Variants in PRKCZ observed in about 807,000 individuals in gnomAD.
The protein encoded by PRKCZ is protein kinase C zeta type.
PRKCZ carries 33 observed loss-of-function variants against 79.5 expected under a neutral mutation model. The observed-to-expected ratio is 0.41, with a 90% CI of 0.31 to 0.55. The LOEUF (loss-of-function observed/expected upper bound fraction) is 0.55, where lower values mean the gene tolerates loss of function less well. PRKCZ is among the 20% of genes least tolerant of loss of function. The pLI, the probability that PRKCZ is intolerant of heterozygous loss-of-function variation, is 0.19. For synonymous variants in PRKCZ, 342 were observed against 320.9 expected (o/e 1.07, Z -0.70); for missense variants, 578 against 813.5 (o/e 0.71, Z 3.52).
intron 4 of PRKCZ, chr1:2,116,191 T>G (rs1670718846): frequency 6.6e-6 from 1 of 152,308 alleles, no homozygotes; most frequent in Non-Finnish European, 1.5e-5. Context: ...GCACAGTCAC[T>G]CTGGGTCGTG....
intron 4 of PRKCZ, among the ~76,000 whole-genome samples, chr1:2,129,191 T>C (rs3107156): frequency 0.67 from 102,454 of 151,932 alleles, 35,358 homozygotes; most frequent in African/African-American, 0.83. Context: ...GGGGGGTTTT[T>C]GTGGTTGCTT....
chr1:2,099,339 C>T (rs1191055456), intron 4 of PRKCZ, among the ~76,000 whole-genome samples: 1 of 152,240 alleles, frequency 6.6e-6, no homozygotes, highest in Non-Finnish European at 1.5e-5. Context: ...TTCATTCATT[C>T]ATCCCATGCC....
chr1:2,176,777 T>C (rs1685578991), intron 16 of PRKCZ, among the ~76,000 whole-genome samples: 1 of 152,196 alleles, frequency 6.6e-6, no homozygotes, highest in South Asian at 2.1e-4. Context: ...TCGAAGGCCT[T>C]GCTTTGCCTG....
chr1:2,135,789 C>T (rs1293712679), intron 5 of PRKCZ, among the ~76,000 whole-genome samples: 2 of 152,268 alleles, frequency 1.3e-5, no homozygotes, highest in Non-Finnish European at 2.9e-5. Context: ...GCTTGGGCCT[C>T]TGTCTTCCCA....
chr1:2,160,232 A>AGTGTGCGT (rs1369504549), intron 10 of PRKCZ, among the ~76,000 whole-genome samples: 1 of 116,992 alleles, frequency 8.5e-6, no homozygotes. Context: ...TTCACCCAGC[A>AGTGTGCGT]GTGTGCGTGT....
intron 4 of PRKCZ, among the ~76,000 whole-genome samples, chr1:2,072,623 A>C (rs1661703657): frequency 1.3e-5 from 2 of 152,106 alleles, no homozygotes; most frequent in African/African-American, 2.4e-5. Context: ...GGGCCCGTGT[A>C]GGAGGTGGGC....
chr1:2,097,813 G>A (rs1291226631), intron 4 of PRKCZ, among the ~76,000 whole-genome samples: 1 of 152,238 alleles, frequency 6.6e-6, no homozygotes, highest in Non-Finnish European at 1.5e-5. Flanking sequence ...TTCTCAGCAA[G>A]GCAATTTTAC....
Position 2,178,297 on chromosome 1 carries a change from C to T in PRKCZ, c.1575+2984C>T, listed in dbSNP as rs1194869594. ...GGAAGTGGACCTGGGCACACCGCGG[C>T]CTTTCGTGCCTGCCCTCCCCTCAGC... On this transcript the variant is annotated intron_variant, in intron 16 of 17. Transcript: ENST00000378567. The surrounding 1 kb of genome is among the most constrained non-coding windows in gnomAD (Gnocchi z 4.3). Among the ~76,000 whole-genome samples the T allele has an allele frequency of 6.6e-6, 1 of 152,228 alleles. No individual in the cohort carries two copies. The highest frequency in any genetic ancestry group is 6.5e-5 in the Admixed American group (1 of 15,286).
Position 2,168,918 on chromosome 1 carries a change from C to G in PRKCZ, c.975-600C>G. The G allele has an allele frequency of 3.3e-6, 1 of 302,908 alleles. No homozygotes were observed. The highest frequency in any genetic ancestry group is 6.8e-6 in the Non-Finnish European group (1 of 147,518). The allele number at this position is 302,908 out of a possible 1,614,324, so 18.8% of individuals were successfully genotyped here. On this transcript the variant is annotated intron_variant, in intron 10 of 17. Coordinates refer to ENST00000378567, the MANE Select transcript of PRKCZ (RefSeq NM_002744.6). The surrounding 1 kb of genome is among the most constrained non-coding windows in gnomAD (Gnocchi z 4.7). ...AGGAAGAGAAACCATGTGGCCCAGT[C>G]CCTGAGACGGGAAGGGCCTGCGTGG... is the stretch of plus-strand genomic sequence containing the variant.
intron 4 of PRKCZ, among the ~76,000 whole-genome samples, chr1:2,079,190 T>TATCGC (rs1162571322): frequency 2.0e-5 from 3 of 152,220 alleles, no homozygotes; most frequent in Non-Finnish European, 4.4e-5. Flanking sequence ...GTCAAAGGCA[T>TATCGC]ATCGCACTTT....
intron 8 of PRKCZ, 55 bp downstream of exon 8, chr1:2,148,979 A>G (rs1679299505): frequency 1.9e-6 from 3 of 1,566,278 alleles, no homozygotes; most frequent in Non-Finnish European, 2.6e-6. Context: ...AAAGTCTGTG[A>G]GCCTGTCTCT....
At chr1:2,112,236 AAC>A (rs1212893461) in intron 4 of PRKCZ, among the ~76,000 whole-genome samples, 4 of 152,184 alleles carry the variant, frequency 2.6e-5, no homozygotes, top group Non-Finnish European at 5.9e-5. Context: ...TTGCTCATAA[AAC>A]ACAGTGTTTG....
intron 10 of PRKCZ, among the ~76,000 whole-genome samples, chr1:2,157,163 T>C (rs1005379253): frequency 2.0e-5 from 3 of 152,092 alleles, no homozygotes; most frequent in Non-Finnish European, 4.4e-5. Context: ...GCAGCCTTCC[T>C]CCTCCTTCTT....
intron 9 of PRKCZ, among the ~76,000 whole-genome samples, chr1:2,155,575 CAGATGGTGATGACGG>C (rs1419016730): frequency 7.5e-6 from 1 of 134,152 alleles, no homozygotes; most frequent in Non-Finnish European, 1.6e-5. Context: ...AGTGATGATG[CAGATGGTGATGACGG>C]TGGTGGTGAT....
intron 3 of PRKCZ, among the ~76,000 whole-genome samples, chr1:2,058,103 G>A (rs1415734439): frequency 1.3e-5 from 2 of 152,226 alleles, no homozygotes; most frequent in Non-Finnish European, 2.9e-5. Context: ...TCCTGACCTC[G>A]TGATCCACCC....
chr1:2,089,853 G>A (rs1426437961), intron 4 of PRKCZ, among the ~76,000 whole-genome samples: 1 of 152,046 alleles, frequency 6.6e-6, no homozygotes, highest in African/African-American at 2.4e-5. Flanking sequence ...CCTCTTGAGT[G>A]CAGGAGTTTG....
intron 1 of PRKCZ, among the ~76,000 whole-genome samples, chr1:2,052,731 C>T (rs2102194305): frequency 6.6e-6 from 1 of 152,276 alleles, no homozygotes; most frequent in South Asian, 2.1e-4. Context: ...TGACACAGTT[C>T]CAGAAAGCGG....
chr1:2,148,834 A>T, intron 7 of PRKCZ, 38 bp from the exon 8 acceptor site: 2 of 1,606,028 alleles, frequency 1.2e-6, no homozygotes, highest in Admixed American at 1.7e-5. Flanking sequence ...GTTCCTGACC[A>T]CACCGTAACG....
At position 2,134,521 on chromosome 1, in the gene PRKCZ, G is replaced by C. The variant is rs531124675; in HGVS notation, c.335-741G>C. Among the ~76,000 whole-genome samples, 5 of 152,308 alleles carry C rather than the reference G, an allele frequency of 3.3e-5. No individual in the cohort carries two copies. In the South Asian group the frequency reaches 8.3e-4, roughly 25 times the overall value. ...GTGTTGAGGAAGGACAAGACCAGCC[G>C]TCTGGTTACAGGCTTGGTGCCGCCT... is the stretch of plus-strand genomic sequence containing the variant. On this transcript the variant is annotated intron_variant, in intron 4 of 17. Transcript: ENST00000378567.
Sources: allele counts gnomAD v4.1 joint callset (sites outside exome capture counted in the v4.1 genomes callset), GRCh38; gene constraint gnomAD v4.1.1; non-coding constraint Gnocchi (gnomAD v3.1); transcripts MANE v1.5; gene names NCBI Gene and HGNC (gene_info 2026-07-23, HGNC 2026-07-21).